Variants in HOMER2 observed in about 807,000 individuals in gnomAD.
HOMER2 encodes homer scaffold protein 2, also known as homer protein homolog 2.
HOMER2 carries 27 observed loss-of-function variants against 47.0 expected under a neutral mutation model. That is an observed-to-expected ratio of 0.57 (90% CI 0.42 to 0.79). The LOEUF (loss-of-function observed/expected upper bound fraction) is 0.79, where lower values mean the gene tolerates loss of function less well. Among genes scored for constraint, HOMER2 ranks in the 30% least tolerant of loss-of-function variants. The probability of loss-of-function intolerance (pLI) is 0.00; values close to 1 mark genes in which losing one functional copy is unlikely to be tolerated. For synonymous variants in HOMER2, 161 were observed against 163.8 expected, an observed-to-expected ratio of 0.98 and a Z score of 0.13; for missense variants, 443 against 435.0, an observed-to-expected ratio of 1.02 and a Z score of -0.16.
intron 1 of HOMER2, among the ~76,000 whole-genome samples, chr15:82,981,825 T>C (rs1341620464): frequency 6.6e-6 from 1 of 152,040 alleles, no homozygotes; most frequent in East Asian, 1.9e-4. Context: ...TAAAGTAGAA[T>C]GGTGGTTGCT....
intron 1 of HOMER2, among the ~76,000 whole-genome samples, chr15:82,895,981 AAAG>A (rs2052899827): frequency 6.6e-6 from 1 of 152,110 alleles, no homozygotes; most frequent in Non-Finnish European, 1.5e-5. Context: ...AAAAAGAAAA[AAAG>A]AAGTGGCCCC....
intron 3 of HOMER2, among the ~76,000 whole-genome samples, 197 bp from the exon 4 acceptor site, chr15:82,864,456 A>T (rs963075532): frequency 6.6e-6 from 1 of 152,234 alleles, no homozygotes; most frequent in African/African-American, 2.4e-5. Context: ...TTCTGAACCC[A>T]TATCTAAGCT....
At chr15:82,953,630 T>C (rs2054551063), upstream of HOMER2, among the ~76,000 whole-genome samples, 1 of 152,068 alleles carries the variant, frequency 6.6e-6, no homozygotes, top group Non-Finnish European at 1.5e-5. Flanking sequence ...TCCCAGCACT[T>C]TGGGAGGCCG....
intron 1 of HOMER2, among the ~76,000 whole-genome samples, chr15:82,947,326 GA>G (rs1474256262): frequency 6.6e-6 from 1 of 152,230 alleles, no homozygotes; most frequent in Non-Finnish European, 1.5e-5. Flanking sequence ...AACATCAAAA[GA>G]AAGTAAATCG....
chr15:82,977,452 G>T (rs2030244538), intron 1 of HOMER2, among the ~76,000 whole-genome samples: 1 of 152,190 alleles, frequency 6.6e-6, no homozygotes, highest in Non-Finnish European at 1.5e-5. Flanking sequence ...TTAAATTGGT[G>T]CTTCAACTGT....
At chr15:82,970,892 C>T (rs1166980382) in intron 1 of HOMER2, among the ~76,000 whole-genome samples, 1 of 152,190 alleles carries the variant, frequency 6.6e-6, no homozygotes, top group East Asian at 1.9e-4. Context: ...TAAGCCTTAT[C>T]GCTGGCAAAA....
chr15:82,868,457 T>A (rs953611221), intron 3 of HOMER2, among the ~76,000 whole-genome samples: 2 of 145,820 alleles, frequency 1.4e-5, no homozygotes, highest in East Asian at 4.0e-4. Context: ...AGGAGGGAGA[T>A]GATCTGGAAA....
intron 1 of HOMER2, among the ~76,000 whole-genome samples, chr15:82,975,135 G>C (rs2030159279): frequency 1.3e-5 from 2 of 152,212 alleles, no homozygotes; most frequent in African/African-American, 4.8e-5. Flanking sequence ...CTGATCACCA[G>C]AGAAATGCAG....
chr15:82,853,028 T>C (rs2051448657), intron 6 of HOMER2, among the ~76,000 whole-genome samples: 1 of 152,178 alleles, frequency 6.6e-6, no homozygotes, highest in Non-Finnish European at 1.5e-5. Flanking sequence ...AAAAGCACTG[T>C]AGTGAAGTCC....
intron 6 of HOMER2, among the ~76,000 whole-genome samples, chr15:82,853,002 A>G (rs1180213006): frequency 6.6e-6 from 1 of 152,198 alleles, no homozygotes; most frequent in East Asian, 1.9e-4. Context: ...GCAGGCGTGG[A>G]CCCCACATGC....
intron 1 of HOMER2, among the ~76,000 whole-genome samples, chr15:82,927,193 G>A (rs562065995): frequency 1.7e-4 from 25 of 150,792 alleles, no homozygotes; most frequent in Admixed American, 7.9e-4. Flanking sequence ...ACCTGCCTCT[G>A]TTGTGTCCCA....
chr15:82,866,637 G>A (rs1321666546), intron 3 of HOMER2, among the ~76,000 whole-genome samples: 2 of 152,202 alleles, frequency 1.3e-5, no homozygotes, highest in African/African-American at 4.8e-5. Context: ...GAAGAACCTG[G>A]TGGGAGTAAC....
At chr15:82,939,173 T>G (rs1228042032) in intron 1 of HOMER2, among the ~76,000 whole-genome samples, 1 of 152,124 alleles carries the variant, frequency 6.6e-6, no homozygotes, top group Non-Finnish European at 1.5e-5. Context: ...AACTAAACTC[T>G]CATTTTCCCC....
intron 1 of HOMER2, among the ~76,000 whole-genome samples, chr15:82,933,499 A>C (rs2054067763): frequency 6.6e-6 from 1 of 152,100 alleles, no homozygotes; most frequent in Admixed American, 6.5e-5. Flanking sequence ...CTCCCACCTC[A>C]GCCTCCCAAA....
intron 3 of HOMER2, among the ~76,000 whole-genome samples, chr15:82,870,861 T>A (rs968013295): frequency 6.6e-5 from 10 of 152,210 alleles, no homozygotes; most frequent in African/African-American, 2.2e-4. Context: ...GGCAACGCCA[T>A]CCTGGGTCGC....
chr15:82,917,949 C>T (rs545916477), intron 1 of HOMER2, among the ~76,000 whole-genome samples: 2 of 152,164 alleles, frequency 1.3e-5, no homozygotes, highest in East Asian at 1.9e-4. Flanking sequence ...AGTTTAGGGG[C>T]GAGACTGCTG....
downstream of HOMER2, among the ~76,000 whole-genome samples, chr15:82,957,764 C>G (rs2054598609): frequency 6.6e-6 from 1 of 152,204 alleles, no homozygotes. Flanking sequence ...TGTCCTCTGC[C>G]TCTCCCATCC....
chr15:82,858,691 C>T (rs566197190), intron 5 of HOMER2, among the ~76,000 whole-genome samples: 1 of 152,060 alleles, frequency 6.6e-6, no homozygotes, highest in African/African-American at 2.4e-5. Context: ...CACACACACA[C>T]CCTCTCTCCA....
intron 1 of HOMER2, among the ~76,000 whole-genome samples, chr15:82,922,607 G>A (rs1032954751): frequency 2.0e-5 from 3 of 152,076 alleles, no homozygotes; most frequent in Admixed American, 1.3e-4. Flanking sequence ...AACCTCAAAC[G>A]AGTGAGACAC....
Sources: gnomAD v4.1 joint callset for allele counts (sites outside exome capture counted in the v4.1 genomes callset) on GRCh38, gnomAD v4.1.1 for gene constraint, MANE v1.5 for transcripts, NCBI Gene and HGNC (gene_info 2026-07-23, HGNC 2026-07-21) for gene names.